Variants in ZNF486 observed in about 807,000 individuals in gnomAD.
ZNF486 encodes KRAB box only protein 2.
A neutral mutation model predicts 12.8 loss-of-function variants in ZNF486; 12 were observed. The ratio of observed to expected loss-of-function variants is 0.94; its 90% CI spans 0.60 to 1.52. The LOEUF (loss-of-function observed/expected upper bound fraction) is 1.52. ZNF486 is among the 40% of genes most tolerant of loss of function. ZNF486 has a pLI of 0.00. For missense variants in ZNF486, 738 were observed against 545.0 expected (o/e 1.35, Z -3.53); for synonymous variants, 231 against 184.9 (o/e 1.25, Z -2.02).
intron 3 of ZNF486, among the ~76,000 whole-genome samples, chr19:20,196,242 C>G (rs2122685691): frequency 6.6e-6 from 1 of 152,268 alleles, no homozygotes; most frequent in South Asian, 2.1e-4. Context: ...TCTCAAACTC[C>G]TGACCTCAGG....
chr19:20,179,060 A>G (rs1555715202), intron 1 of ZNF486, among the ~76,000 whole-genome samples: 1 of 152,226 alleles, frequency 6.6e-6, no homozygotes, highest in Non-Finnish European at 1.5e-5. Flanking sequence ...TGGGAAATAA[A>G]AAACTTTTGT....
intron 1 of ZNF486, among the ~76,000 whole-genome samples, chr19:20,169,871 A>T (rs974832777): frequency 1.3e-5 from 2 of 150,922 alleles, no homozygotes; most frequent in Admixed American, 1.3e-4. Context: ...TAGAAGGGAC[A>T]TAAGATGGGG....
intron 1 of ZNF486, among the ~76,000 whole-genome samples, chr19:20,173,239 A>G (rs1465333056): frequency 2.6e-5 from 4 of 152,098 alleles, no homozygotes; most frequent in Non-Finnish European, 5.9e-5. Context: ...TGATTTTTGC[A>G]TATGGTGTAA....
chr19:20,173,878 T>G, intron 1 of ZNF486, among the ~76,000 whole-genome samples: 1 of 152,056 alleles, frequency 6.6e-6, no homozygotes, highest in Non-Finnish European at 1.5e-5. Flanking sequence ...GTCTCATTTC[T>G]TAAGGGATTT....
chr19:20,191,887 T>C (rs2089906861), intron 3 of ZNF486, among the ~76,000 whole-genome samples: 2 of 152,352 alleles, frequency 1.3e-5, no homozygotes, highest in Middle Eastern at 3.4e-3. Context: ...CTCTGAATTT[T>C]CTATTTATTA....
In ZNF486 at chr19:20,167,224, G is replaced by A. The variant is rs781955135; in HGVS notation, c.-107G>A. 4 of 1,399,392 alleles carry A rather than the reference G, an allele frequency of 2.9e-6. No individual in the cohort carries two copies. Among genetic ancestry groups the A allele is most frequent in the Admixed American group, 3.4e-5 (2 of 58,386 alleles). The allele number at this position is 1,399,392 out of a possible 1,614,324, so 86.7% of individuals were successfully genotyped here. A position where few individuals can be genotyped will look rare whatever the true frequency, so the allele number is the denominator to read the frequency against. ...TTTGGCGCGGCCTTTGTCTCTCGCT[G>A]CATCTGGAGCTCTAGGTCGCCTCTT... On this transcript the variant is annotated 5_prime_UTR_variant, in exon 1 of 4. Transcript: ENST00000335117.
intron 1 of ZNF486, among the ~76,000 whole-genome samples, chr19:20,179,717 A>T (rs2089763400): frequency 6.6e-6 from 1 of 152,224 alleles, no homozygotes; most frequent in Non-Finnish European, 1.5e-5. Context: ...TAAGTTGTCA[A>T]GATAGATATC....
At chr19:20,194,626 G>A (rs2089939783) in intron 3 of ZNF486, among the ~76,000 whole-genome samples, 1 of 152,106 alleles carries the variant, frequency 6.6e-6, no homozygotes, top group Non-Finnish European at 1.5e-5. Flanking sequence ...TACTCAGGAC[G>A]CTGAGGCAGG....
chr19:20,177,944 T>TTTTTTTTTTTTTTTTTA (rs2089740710), intron 1 of ZNF486, among the ~76,000 whole-genome samples: 2 of 151,208 alleles, frequency 1.3e-5, no homozygotes, highest in African/African-American at 4.9e-5. Context: ...TCTTTTTTTT[T>TTTTTTTTTTTTTTTTTA]GAGACGAAGT....
rs185733766 is a variant in ZNF486, at chr19:20,179,368, G to A, written c.31-4988G>A. On this transcript the variant is annotated intron_variant, in intron 1 of 3. Coordinates refer to ENST00000335117, the MANE Select transcript of ZNF486 (RefSeq NM_052852.4). ...CTGTCTTGTCTTGACATATCTTCCTGTAAATACTACTAATCAAAGTGTAGA... is the reference window on the plus strand; with the variant it reads ...CTGTCTTGTCTTGACATATCTTCCTATAAATACTACTAATCAAAGTGTAGA... Among the ~76,000 whole-genome samples the A allele has an allele frequency of 1.1e-3, 172 of 152,280 alleles. 1 individual carries two copies. Among genetic ancestry groups the A allele is most frequent in the African/African-American group, 3.9e-3 (161 of 41,558 alleles).
At position 20,196,967 on chromosome 19, in the gene ZNF486, T is replaced by C. The variant is rs2089964182; in HGVS notation, c.257T>C (p.Val86Ala). Reference sequence around the variant, plus strand: ...GTGTTTTTATTGTTTCTTTCAGTTGTGTGTTCTCATTTTGCCCAAGACCTT... The same window carrying C: ...GTGTTTTTATTGTTTCTTTCAGTTGCGTGTTCTCATTTTGCCCAAGACCTT... ...RHEMIAKPPVVCSHFAQDLWP... is the reference protein window; with the variant it reads ...RHEMIAKPPVACSHFAQDLWP... Residue 86 changes from valine to alanine, a missense_variant, in exon 4 of 4, where the codon GTG becomes GCG. Coordinates refer to ENST00000335117, the MANE Select transcript of ZNF486 (RefSeq NM_052852.4). 9 of 1,543,220 alleles carry C rather than the reference T, an allele frequency of 5.8e-6. No homozygotes were observed. The highest frequency in any genetic ancestry group is 7.8e-6 in the Non-Finnish European group (9 of 1,151,350).
At chr19:20,182,651 G>A (rs1555715758) in intron 1 of ZNF486, among the ~76,000 whole-genome samples, 2 of 152,134 alleles carry the variant, frequency 1.3e-5, no homozygotes, top group Non-Finnish European at 1.5e-5. Flanking sequence ...GCTGGTGTCT[G>A]TGGCAGGGAG....
rs558522761 is a variant in ZNF486 at position 20,172,933 on chromosome 19, G to C, written c.30+5573G>C. Among the ~76,000 whole-genome samples, 74 of 152,228 alleles carry C rather than the reference G, an allele frequency of 4.9e-4. 1 individual carries two copies. Among genetic ancestry groups the C allele is most frequent in the African/African-American group, 1.7e-3 (72 of 41,544 alleles). On this transcript the variant is annotated intron_variant, in intron 1 of 3. Transcript: ENST00000335117. The stretch of plus-strand genomic sequence containing the variant: ...TGGGATTACAGTCATGAGTCACCAC[G>C]CCCAGCCAAGTTCTTAATAAATTCT...
chr19:20,169,364 C>A (rs56403748), intron 1 of ZNF486, among the ~76,000 whole-genome samples: 4 of 152,138 alleles, frequency 2.6e-5, no homozygotes, highest in Admixed American at 2.0e-4. Context: ...CCGCCTTGGC[C>A]TCCCAAAGTG....
chr19:20,189,345 C>T (rs1555716887), intron 3 of ZNF486, among the ~76,000 whole-genome samples: 31 of 152,196 alleles, frequency 2.0e-4, no homozygotes. Context: ...GCTAGGATTA[C>T]AGGCTTGAGC....
At chr19:20,167,480 C>G in intron 1 of ZNF486, 120 bp downstream of exon 1, 2 of 1,185,674 alleles carry the variant, frequency 1.7e-6, no homozygotes, top group East Asian at 2.4e-5. Flanking sequence ...CTTCTCCTTA[C>G]CCAGCTCGGC....
Position 20,198,512 on chromosome 19 carries a change from T to C in ZNF486, c.*410T>C. Reference sequence around the variant, plus strand: ...AAGCCTGTAACAAGTTCTCAATTCTTTTATTTTTATTTGTTTATTTATTTT... The same window carrying C: ...AAGCCTGTAACAAGTTCTCAATTCTCTTATTTTTATTTGTTTATTTATTTT... On this transcript the variant is annotated 3_prime_UTR_variant, in exon 4 of 4. Coordinates refer to ENST00000335117, the MANE Select transcript of ZNF486 (RefSeq NM_052852.4). The C allele has an allele frequency of 5.5e-6, 1 of 182,860 alleles. No homozygotes were observed. Among genetic ancestry groups the C allele is most frequent in the Non-Finnish European group, 1.2e-5 (1 of 85,046 alleles). The allele number at this position is 182,860 out of a possible 1,614,324, so 11.3% of individuals were successfully genotyped here. A position where few individuals can be genotyped will look rare whatever the true frequency, so the allele number is the denominator to read the frequency against.
intron 1 of ZNF486, among the ~76,000 whole-genome samples, chr19:20,167,689 G>T (rs1296615644): frequency 6.6e-6 from 1 of 152,158 alleles, no homozygotes; most frequent in Non-Finnish European, 1.5e-5. Context: ...CTCGGGGTGC[G>T]GGTTCACGAT....
intron 3 of ZNF486, among the ~76,000 whole-genome samples, chr19:20,195,049 C>T (rs186665378): frequency 5.9e-5 from 9 of 151,878 alleles, no homozygotes; most frequent in African/African-American, 9.7e-5. Context: ...TTTCTGTCAC[C>T]GAGGCTGGAG....
Sources: allele counts gnomAD v4.1 joint callset (sites outside exome capture counted in the v4.1 genomes callset), GRCh38; gene constraint gnomAD v4.1.1; transcripts MANE v1.5; gene names NCBI Gene and HGNC (gene_info 2026-07-23, HGNC 2026-07-21).